The following MBLAC2 variants were observed in gnomAD, a reference collection of about 807,000 sequenced individuals.
MBLAC2 encodes metallo-beta-lactamase domain containing 2.
In MBLAC2, 24 loss-of-function variants were observed where a neutral mutation model predicts 23.3. The observed-to-expected ratio is 1.03, with a 90% confidence interval of 0.75 to 1.45. The LOEUF (loss-of-function observed/expected upper bound fraction) is 1.45, where lower values mean the gene tolerates loss of function less well. Among genes scored for constraint, MBLAC2 ranks in the 40% most tolerant of loss-of-function variants. The pLI, the probability that MBLAC2 is intolerant of heterozygous loss-of-function variation, is 0.00. For missense variants in MBLAC2, 358 were observed against 370.0 expected (o/e 0.97, Z 0.27); for synonymous variants, 162 against 150.9 (o/e 1.07, Z -0.54).
chr5:90,468,266 C>T (rs141994870), intron 1 of MBLAC2, among the ~76,000 whole-genome samples: 3 of 152,122 alleles, frequency 2.0e-5, no homozygotes, highest in Non-Finnish European at 2.9e-5. Flanking sequence ...AAGTTTTCCT[C>T]GATTATTCCT....
intron 1 of MBLAC2, 110 bp downstream of exon 1, chr5:90,473,729 G>T: frequency 9.0e-7 from 1 of 1,105,596 alleles, no homozygotes; most frequent in Non-Finnish European, 1.3e-6. Flanking sequence ...TCTGCGAGGT[G>T]CCAAAATAAT....
At chr5:90,472,473 T>TTC (rs890730562) in intron 1 of MBLAC2, 1 of 151,964 alleles carries the variant, frequency 6.6e-6, no homozygotes, top group Non-Finnish European at 1.5e-5. Context: ...AATGAAGACT[T>TTC]GTTCGGTGGG....
Position 90,460,605 on chromosome 5 carries a change from CAT to C in MBLAC2, c.*560_*561del, listed in dbSNP as rs1213349117. The C allele has an allele frequency of 2.6e-5, 4 of 152,412 alleles. No homozygotes were observed. Among genetic ancestry groups the C allele is most frequent in the Non-Finnish European group, 4.4e-5 (3 of 67,966 alleles). 9.4% of individuals were successfully genotyped at this position (152,412 alleles called of 1,614,324 possible). A position where few individuals can be genotyped will look rare whatever the true frequency, so the allele number is the denominator to read the frequency against. On this transcript the variant is annotated 3_prime_UTR_variant, in exon 2 of 2. Transcript: ENST00000316610. Reference sequence around the variant, plus strand: ...ACTTTTCATAAGTTATATTACATAACATGTATGCTATAATTATACAAAGAATA... The same window carrying C: ...ACTTTTCATAAGTTATATTACATAACGTATGCTATAATTATACAAAGAATA...
At chr5:90,465,544 C>T (rs948203775) in intron 1 of MBLAC2, among the ~76,000 whole-genome samples, 5 of 152,234 alleles carry the variant, frequency 3.3e-5, no homozygotes, top group African/African-American at 1.2e-4. Context: ...TGAAATAAAG[C>T]TAGTACAATT....
At chr5:90,467,496 T>A (rs945077888) in intron 1 of MBLAC2, among the ~76,000 whole-genome samples, 1 of 152,224 alleles carries the variant, frequency 6.6e-6, no homozygotes, top group African/African-American at 2.4e-5. Context: ...GATATAAGCC[T>A]GCTTACCTTT....
At chr5:90,467,379 T>C (rs1293560241) in intron 1 of MBLAC2, among the ~76,000 whole-genome samples, 2 of 152,192 alleles carry the variant, frequency 1.3e-5, no homozygotes, top group Non-Finnish European at 2.9e-5. Context: ...GTTAGGTGCA[T>C]ATATATTTAG....
chr5:90,469,650 T>C (rs1299337094), intron 1 of MBLAC2, among the ~76,000 whole-genome samples: 1 of 152,194 alleles, frequency 6.6e-6, no homozygotes, highest in Non-Finnish European at 1.5e-5. Flanking sequence ...AATTTTCTGT[T>C]TTTTTATAAT....
In MBLAC2 at chr5:90,459,667, G is replaced by A. The variant is rs761917675; in HGVS notation, c.*1500C>T. The A allele has an allele frequency of 5.3e-5, 8 of 151,954 alleles. No homozygotes were observed. Among genetic ancestry groups the A allele is most frequent in the Middle Eastern group, 3.1e-3 (1 of 318 alleles). 9.4% of individuals were successfully genotyped at this position (151,954 alleles called of 1,614,324 possible). On this transcript the variant is annotated 3_prime_UTR_variant, in exon 2 of 2. Transcript: ENST00000316610. The stretch of plus-strand genomic sequence containing the variant: ...TATTATTTATATTTTGTGTGCTTTC[G>A]ACTTTTAGTTATAATGTTGTCTTTG...
At chr5:90,471,535 T>C (rs1750549302) in intron 1 of MBLAC2, among the ~76,000 whole-genome samples, 1 of 152,186 alleles carries the variant, frequency 6.6e-6, no homozygotes, top group South Asian at 2.1e-4. Context: ...GGCTATTCTC[T>C]CCTTGTCCCT....
intron 1 of MBLAC2, among the ~76,000 whole-genome samples, chr5:90,465,740 A>C (rs939340587): frequency 3.9e-5 from 6 of 152,046 alleles, no homozygotes; most frequent in Non-Finnish European, 7.4e-5. Context: ...CTAACTTAAA[A>C]ACTTTTTCTA....
intron 1 of MBLAC2, among the ~76,000 whole-genome samples, chr5:90,463,742 G>C (rs1750403473): frequency 6.6e-6 from 1 of 151,874 alleles, no homozygotes; most frequent in Non-Finnish European, 1.5e-5. Context: ...ATAATAAAGG[G>C]CAGAGCAAAA....
Position 90,474,047 on chromosome 5 carries a change from G to T in MBLAC2, c.246C>A (p.Thr82=). Residue 82 remains threonine (T), a synonymous_variant, in exon 1 of 2, where the codon ACC becomes ACA. Coordinates refer to ENST00000316610, the MANE Select transcript of MBLAC2 (RefSeq NM_203406.2). ...CGCCGGAGTGGTCGAAGTGCACGTG[G>T]GTGGCCACGGCAAGCAGTGGCCGGC... ...AARRPLLAVA[T]HVHFDHSGGL... 3 of 1,588,692 alleles carry T rather than the reference G, an allele frequency of 1.9e-6. No homozygotes were observed. Among genetic ancestry groups the T allele is most frequent in the Non-Finnish European group, 2.6e-6 (3 of 1,168,674 alleles).
rs1208248683 is a variant in MBLAC2 at position 90,461,056 on chromosome 5, TATATA to T, written c.*106_*110del. ...TTATTCATTCTCAATCTTTCTCTGA[TATATA>T]ATAGTGGTATAAAAGCACTTCATGA... On this transcript the variant is annotated 3_prime_UTR_variant, in exon 2 of 2. Coordinates refer to ENST00000316610, the MANE Select transcript of MBLAC2 (RefSeq NM_203406.2). 4.8e-6 allele frequency: 4 copies of T among 840,114 alleles called. No homozygotes were observed. The highest frequency in any genetic ancestry group is 5.3e-6 in the Non-Finnish European group (3 of 569,734). 52.0% of individuals were successfully genotyped at this position (840,114 alleles called of 1,614,324 possible). A position where few individuals can be genotyped will look rare whatever the true frequency, so the allele number is the denominator to read the frequency against.
rs1750354683 is a variant in MBLAC2, at chr5:90,460,870, G to A, written c.*297C>T. The A allele has an allele frequency of 4.2e-6, 1 of 239,608 alleles. No homozygotes were observed. The highest frequency in any genetic ancestry group is 8.0e-6 in the Non-Finnish European group (1 of 124,390). 14.8% of individuals were successfully genotyped at this position (239,608 alleles called of 1,614,324 possible). ...AACAAGAAAAACAGAGGCAAGGGCAGTTCTCTTGCCACAAAATCTCTCTTT... is the reference window on the plus strand; with the variant it reads ...AACAAGAAAAACAGAGGCAAGGGCAATTCTCTTGCCACAAAATCTCTCTTT... On this transcript the variant is annotated 3_prime_UTR_variant, in exon 2 of 2. Transcript: ENST00000316610.
chr5:90,473,935 G>A lies in MBLAC2; in HGVS notation c.358C>T (p.Leu120Phe). ...RGDNFETVTWLSDSEVVRTPS... is the reference protein window; with the variant it reads ...RGDNFETVTWFSDSEVVRTPS... ...GTCCGCACCACCTCGCTATCGGAAA[G>A]CCAGGTCACGGTCTCAAAGTTGTCC... Residue 120 changes from leucine to phenylalanine, a missense_variant, in exon 1 of 2, where the codon CTT (leucine) becomes TTT (phenylalanine). Coordinates refer to ENST00000316610, the MANE Select transcript of MBLAC2 (RefSeq NM_203406.2). 6 of 1,604,922 alleles carry A rather than the reference G, an allele frequency of 3.7e-6. No individual in the cohort carries two copies. Among genetic ancestry groups the A allele is most frequent in the South Asian group, 1.1e-5 (1 of 89,386 alleles).
At chr5:90,464,591 C>CA (rs922181364) in intron 1 of MBLAC2, among the ~76,000 whole-genome samples, 6 of 150,270 alleles carry the variant, frequency 4.0e-5, no homozygotes, top group South Asian at 2.1e-4. Context: ...TCAAACAAAA[C>CA]AAAAAAAAGC....
At chr5:90,473,300 C>A (rs191328028) in intron 1 of MBLAC2, 94 of 211,248 alleles carry the variant, frequency 4.4e-4, no homozygotes, top group African/African-American at 2.1e-3. Context: ...GAAAGGTTTC[C>A]AATCGCATTA....
rs573226415 is a variant in MBLAC2, at chr5:90,458,689, A to C, written c.*2478T>G. ...TATTGTGCAGTTACAAGAGAAAGAG[A>C]AGTGTGGGGCAGACAGACCTGTGTT... On this transcript the variant is annotated 3_prime_UTR_variant, in exon 2 of 2. Transcript: ENST00000316610. 5.5e-4 allele frequency: 84 copies of C among 152,284 alleles called. No homozygotes were observed. The highest frequency in any genetic ancestry group is 1.9e-3 in the African/African-American group (80 of 41,566). 9.4% of individuals were successfully genotyped at this position (152,284 alleles called of 1,614,324 possible).
intron 1 of MBLAC2, among the ~76,000 whole-genome samples, chr5:90,468,075 G>A (rs919132124): frequency 4.6e-5 from 7 of 152,102 alleles, no homozygotes; most frequent in Non-Finnish European, 1.5e-5. Flanking sequence ...CTGTTAGATA[G>A]GTTTTCCTTT....
Sources: gnomAD v4.1 joint callset for allele counts (sites outside exome capture counted in the v4.1 genomes callset) on GRCh38, gnomAD v4.1.1 for gene constraint, MANE v1.5 for transcripts, NCBI Gene and HGNC (gene_info 2026-07-23, HGNC 2026-07-21) for gene names.